GASK1A: variants seen among roughly 807,000 people sequenced by gnomAD.
GASK1A encodes golgi associated kinase 1A, also known as Golgi-associated kinase 1A.
In GASK1A, 40 loss-of-function variants were observed where a neutral mutation model predicts 41.2. The observed-to-expected ratio is 0.97, with a 90% CI of 0.75 to 1.27. The LOEUF (loss-of-function observed/expected upper bound fraction) is 1.27, where lower values mean the gene tolerates loss of function less well. Among genes scored for constraint, GASK1A ranks in the 50% most tolerant of loss-of-function variants. The pLI, the probability that GASK1A is intolerant of heterozygous loss-of-function variation, is 0.00. For synonymous variants in GASK1A, 316 were observed against 307.1 expected, an observed-to-expected ratio of 1.03 and a Z score of -0.30; for missense variants, 678 against 745.1, an observed-to-expected ratio of 0.91 and a Z score of 1.05.
chr3:43,050,132 A>G (rs2125692030), intron 2 of GASK1A, among the ~76,000 whole-genome samples: 1 of 152,158 alleles, frequency 6.6e-6, no homozygotes, highest in East Asian at 1.9e-4. Context: ...AGTTCTTGAC[A>G]TTAATTCAAG....
At chr3:43,015,172 G>T (rs1238518324) in intron 1 of GASK1A, among the ~76,000 whole-genome samples, 1 of 151,714 alleles carries the variant, frequency 6.6e-6, no homozygotes, top group Non-Finnish European at 1.5e-5. Flanking sequence ...CACAGAAAGG[G>T]GCAGGGTGGT....
intron 1 of GASK1A, among the ~76,000 whole-genome samples, chr3:43,031,442 G>T (rs1016689951): frequency 3.3e-5 from 5 of 152,186 alleles, no homozygotes; most frequent in African/African-American, 1.2e-4. Context: ...GGGGCCCTGA[G>T]AATTTGCATT....
chr3:43,018,729 G>C (rs1459910429), intron 1 of GASK1A, among the ~76,000 whole-genome samples: 1 of 152,154 alleles, frequency 6.6e-6, no homozygotes, highest in Non-Finnish European at 1.5e-5. Flanking sequence ...TGTCCTGATA[G>C]AAAAAGGTTG....
intron 1 of GASK1A, 80 bp from the exon 2 acceptor site, chr3:43,032,187 G>A: frequency 8.7e-7 from 1 of 1,153,470 alleles, no homozygotes; most frequent in East Asian, 2.6e-5. Context: ...CACCTCATTT[G>A]CTTACCATCC....
chr3:43,010,127 A>G (rs2089456148), intron 1 of GASK1A, among the ~76,000 whole-genome samples: 1 of 152,212 alleles, frequency 6.6e-6, no homozygotes, highest in African/African-American at 2.4e-5. Context: ...TCTCCAAAGT[A>G]CGTGCCTAAC....
intron 2 of GASK1A, among the ~76,000 whole-genome samples, chr3:43,038,167 A>T (rs1223491171): frequency 6.6e-6 from 1 of 152,240 alleles, no homozygotes; most frequent in Non-Finnish European, 1.5e-5. Context: ...CGTGACTCAC[A>T]CCATGCATCT....
In GASK1A at chr3:43,053,632, G is replaced by C. The variant is rs1375165993; in HGVS notation, c.1402G>C (p.Val468Leu). The C allele has an allele frequency of 1.9e-6, 3 of 1,551,578 alleles. No individual in the cohort carries two copies. In the South Asian group the frequency reaches 3.6e-5, roughly 18 times the overall value. Reference protein sequence around the residue: ...KCQNPAELRLVHILVRSSDPS... With the variant: ...KCQNPAELRLLHILVRSSDPS... The stretch of plus-strand genomic sequence containing the variant: ...CCAGAACCCAGCCGAGCTGCGGCTG[G>C]TCCACATCCTGGTACGTCTCCTCCA... Residue 468 changes from valine (V) to leucine (L), a missense_variant, in exon 3 of 5, where the codon GTC becomes CTC. Coordinates refer to ENST00000430121, the MANE Select transcript of GASK1A (RefSeq NM_001129908.3).
chr3:43,043,438 C>T (rs1447346940), intron 2 of GASK1A, among the ~76,000 whole-genome samples: 1 of 152,192 alleles, frequency 6.6e-6, no homozygotes, highest in East Asian at 1.9e-4. Context: ...GGCAGTGACC[C>T]TACTATATCC....
chr3:43,002,135 C>T (rs2089412723), intron 1 of GASK1A, among the ~76,000 whole-genome samples: 1 of 152,204 alleles, frequency 6.6e-6, no homozygotes, highest in African/African-American at 2.4e-5. Context: ...AAACATTCGT[C>T]TTCCCAGAAT....
At chr3:43,022,006 G>A (rs774753434) in intron 1 of GASK1A, among the ~76,000 whole-genome samples, 7 of 152,210 alleles carry the variant, frequency 4.6e-5, no homozygotes, top group Non-Finnish European at 8.8e-5. Flanking sequence ...CTCCTGCCAT[G>A]AACATTGCAG....
chr3:43,032,381 G>A lies in GASK1A; in HGVS notation c.118G>A (p.Ala40Thr), dbSNP rs571794011. The A allele has an allele frequency of 7.3e-5, 114 of 1,551,566 alleles. No homozygotes were observed. The African/African-American group carries it at 9.0e-4, about 12-fold the overall frequency. ...CCGCTTTCCCCCACAGCGTCCATCC[G>A]CCGGCCCAGACCCTGGTCCCATGGA... The part of the protein sequence containing the change: ...VTRFPPQRPS[A>T]GPDPGPMEPQ... Residue 40 changes from alanine to threonine, a missense_variant, in exon 2 of 5, where the codon GCC (alanine) becomes ACC (threonine). Ala to Thr is a moderately conservative substitution (Grantham distance 58, BLOSUM62 0). Coordinates refer to ENST00000430121, the MANE Select transcript of GASK1A (RefSeq NM_001129908.3).
chr3:43,000,278 A>C (rs2089402323), intron 1 of GASK1A, among the ~76,000 whole-genome samples: 1 of 152,132 alleles, frequency 6.6e-6, no homozygotes, highest in South Asian at 2.1e-4. Flanking sequence ...AACAAGAAAA[A>C]TCAGTAGTTA....
chr3:43,022,460 A>G (rs1037941632), intron 1 of GASK1A, among the ~76,000 whole-genome samples: 2 of 151,846 alleles, frequency 1.3e-5, no homozygotes, highest in Admixed American at 6.6e-5. Flanking sequence ...GAGAATACAT[A>G]TTAGGAATTC....
chr3:43,035,689 T>C (rs75631351), intron 2 of GASK1A, among the ~76,000 whole-genome samples: 3,256 of 152,320 alleles, frequency 0.021, 67 homozygotes, highest in East Asian at 0.056. Flanking sequence ...AGTTTCTGGA[T>C]GCAAGGTCAT....
intron 2 of GASK1A, among the ~76,000 whole-genome samples, chr3:43,034,585 T>C (rs1227806679): frequency 6.6e-6 from 1 of 152,234 alleles, no homozygotes; most frequent in Non-Finnish European, 1.5e-5. Context: ...CCCATTTCTA[T>C]AGAGACCCCT....
rs2089607973 is a variant in GASK1A, at chr3:43,036,988, A to G, written c.1290+3435A>G. On this transcript the variant is annotated intron_variant, in intron 2 of 4. Transcript: ENST00000430121. ...TGTGTTCTTTTAAGCCACTGAGTTC[A>G]TGGTAATTTATTACACAGCAATAGA... The G allele has an allele frequency of 1.3e-5, 5 of 375,056 alleles. No individual in the cohort carries two copies. In the Admixed American group the frequency reaches 1.6e-4, roughly 12 times the overall value. 23.2% of individuals were successfully genotyped at this position (375,056 alleles called of 1,614,324 possible).
intron 2 of GASK1A, among the ~76,000 whole-genome samples, chr3:43,041,463 C>T (rs1282970775): frequency 1.3e-5 from 2 of 152,230 alleles, no homozygotes; most frequent in Non-Finnish European, 1.5e-5. Flanking sequence ...ATTTGCATTT[C>T]TCTGATGGCC....
At chr3:43,044,011 T>C (rs1045690313) in intron 2 of GASK1A, among the ~76,000 whole-genome samples, 14 of 150,354 alleles carry the variant, frequency 9.3e-5, no homozygotes, top group African/African-American at 3.4e-4. Context: ...GTGTAGATTC[T>C]GGGAAGCCAG....
intron 1 of GASK1A, among the ~76,000 whole-genome samples, chr3:43,003,387 C>T (rs1018788414): frequency 6.6e-6 from 1 of 150,462 alleles, no homozygotes; most frequent in Non-Finnish European, 1.5e-5. Flanking sequence ...CCCAGCTACT[C>T]GGGAGGGTGA....
Sources: allele counts gnomAD v4.1 joint callset (sites outside exome capture counted in the v4.1 genomes callset), GRCh38; gene constraint gnomAD v4.1.1; transcripts MANE v1.5; gene names NCBI Gene and HGNC (gene_info 2026-07-23, HGNC 2026-07-21).